MUC5AC: variants seen among roughly 807,000 people sequenced by gnomAD.
MUC5AC encodes mucin 5AC, oligomeric mucus/gel-forming, also known as mucin-5AC.
Under a neutral mutation model 169.7 loss-of-function variants are expected in MUC5AC, and 158 were observed. The observed-to-expected ratio is 0.93, with a 90% CI of 0.82 to 1.06. The LOEUF (loss-of-function observed/expected upper bound fraction) is 1.06, where lower values mean the gene tolerates loss of function less well. MUC5AC is among the 50% of genes least tolerant of loss of function. The pLI is 0.00. For missense variants in MUC5AC, 4,359 were observed against 3,089.9 expected, an observed-to-expected ratio of 1.41 and a Z score of -9.74; for synonymous variants, 1,975 against 1,237.0, an observed-to-expected ratio of 1.60 and a Z score of -12.52.
chr11:1,196,034 G>A lies in MUC5AC; in HGVS notation c.15617G>A (p.Gly5206Asp). 1 of 764,648 alleles carries A rather than the reference G, an allele frequency of 1.3e-6. No homozygotes were observed. Among genetic ancestry groups the A allele is most frequent in the Non-Finnish European group, 2.4e-6 (1 of 417,648 alleles). The allele number at this position is 764,648 out of a possible 1,614,324, so 47.4% of individuals were successfully genotyped here. Residue 5206 changes from glycine (G) to aspartate (D), a missense_variant, in exon 37 of 49, where the codon GGC becomes GAC. Physicochemically the swap from Gly to Asp is moderately conservative, Grantham distance 94. Coordinates refer to ENST00000621226, the MANE Select transcript of MUC5AC (RefSeq NM_001304359.2). ...CACGACATCTGCATCGATTGGAGAG[G>A]CCGGACCGGCCACATGTGCCGTGAG... The part of the protein sequence containing the change: ...ASHDICIDWR[G>D]RTGHMCPFTC...
chr11:1,164,814 C>T (rs1860262573), intron 9 of MUC5AC, among the ~76,000 whole-genome samples: 1 of 149,444 alleles, frequency 6.7e-6, no homozygotes, highest in Non-Finnish European at 1.5e-5. Context: ...CTGAGGCTGG[C>T]TGAGGCCCCT....
chr11:1,189,561 A>G lies in MUC5AC; in HGVS notation c.11416A>G (p.Ser3806Gly), dbSNP rs1376100983. 1.1e-4 allele frequency: 67 copies of G among 609,470 alleles called. No individual in the cohort carries two copies. Among genetic ancestry groups the G allele is most frequent in the Non-Finnish European group, 1.5e-5 (5 of 342,348 alleles). The allele number at this position is 609,470 out of a possible 1,614,324, so 37.8% of individuals were successfully genotyped here. Reference protein sequence around the residue: ...TTSTTSTPQTSTISSPTTSTT... With the variant: ...TTSTTSTPQTGTISSPTTSTT... ...CAGCACAACCTCCACTCCACAGACCAGCACAATCTCTTCCCCTACAACCAG... is the reference window on the plus strand; with the variant it reads ...CAGCACAACCTCCACTCCACAGACCGGCACAATCTCTTCCCCTACAACCAG... The change falls in exon 31 of 49, where the codon AGC becomes GGC. Residue 3806 changes from serine (S) to glycine (G), a missense_variant. Ser to Gly is a moderately conservative substitution (Grantham distance 56). Transcript: ENST00000621226.
intron 26 of MUC5AC, 102 bp from the exon 27 acceptor site, chr11:1,179,920 G>A (rs1221169230): frequency 5.0e-6 from 2 of 397,762 alleles, no homozygotes; most frequent in Non-Finnish European, 8.9e-6. Flanking sequence ...GTGATGGCCG[G>A]GAGGTGCAGG....
rs1214235667 is a variant in MUC5AC at position 1,192,352 on chromosome 11, T to C, written c.14207T>C (p.Val4736Ala). 3.9e-6 allele frequency: 3 copies of C among 765,108 alleles called. No homozygotes were observed. The highest frequency in any genetic ancestry group is 2.7e-5 in the South Asian group (2 of 74,618). The allele number at this position is 765,108 out of a possible 1,614,324, so 47.4% of individuals were successfully genotyped here. A position where few individuals can be genotyped will look rare whatever the true frequency, so the allele number is the denominator to read the frequency against. ...ETPRGCPVTS[V>A]TPYGTSPTNA... ...CCCAGAGGCTGCCCGGTGACCTCTG[T>C]GACCCCATATGGGACTTCTCCTACC... Residue 4736 changes from valine to alanine, a missense_variant, in exon 31 of 49, where the codon GTG (valine) becomes GCG (alanine). By Grantham distance (64) the Val-to-Ala change is moderately conservative. Transcript: ENST00000621226.
At chr11:1,168,415 A>T in intron 12 of MUC5AC, 68 bp from the exon 13 acceptor site, 1 of 1,494,002 alleles carries the variant, frequency 6.7e-7, no homozygotes, top group Non-Finnish European at 9.2e-7. Flanking sequence ...GGCACATTTC[A>T]CAGCCTCCGC....
rs1860928485 is a variant in MUC5AC, at chr11:1,185,809, G to T, written c.7664G>T (p.Ser2555Ile). The change falls in exon 31 of 49, where the codon AGC (serine) becomes ATC (isoleucine). Residue 2555 changes from serine to isoleucine, a missense_variant. Physicochemically the swap from Ser to Ile is moderately radical, Grantham distance 142 (BLOSUM62 -2). Transcript: ENST00000621226. ...TTSTTSAPIS[S>I]TTSATTTSTT... ...AGCACAACCTCTGCCCCTATAAGCAGCACAACCTCTGCCACTACAACCAGC... is the reference window on the plus strand; with the variant it reads ...AGCACAACCTCTGCCCCTATAAGCATCACAACCTCTGCCACTACAACCAGC... 11 of 745,530 alleles carry T rather than the reference G, an allele frequency of 1.5e-5. No homozygotes were observed. Among genetic ancestry groups the T allele is most frequent in the South Asian group, 1.4e-4 (10 of 72,146 alleles). 46.2% of individuals were successfully genotyped at this position (745,530 alleles called of 1,614,324 possible). A position where few individuals can be genotyped will look rare whatever the true frequency, so the allele number is the denominator to read the frequency against.
At chr11:1,170,975 T>C in intron 15 of MUC5AC, among the ~76,000 whole-genome samples, 4 of 4,026 alleles carry the variant, frequency 9.9e-4, no homozygotes, top group Non-Finnish European at 1.5e-3. Context: ...ACTCACCCAT[T>C]CACCCCACTC....
At chr11:1,174,653 C>A (rs1860630047) in intron 17 of MUC5AC, 31 bp downstream of exon 17, 2 of 867,702 alleles carry the variant, frequency 2.3e-6, no homozygotes, top group East Asian at 2.8e-5. Context: ...GCCCCTTTCC[C>A]TCGCTGGGTG....
chr11:1,183,775 C>T lies in MUC5AC; in HGVS notation c.5630C>T (p.Ser1877Leu). The change falls in exon 31 of 49, where the codon TCA becomes TTA. Residue 1877 changes from serine (S) to leucine (L), a missense_variant. Transcript: ENST00000621226. ...TCCAAGACCACTGAAACCCAGGCCT[C>T]AGGCTCCTCAGCCCCCAGCAGCACA... Reference protein sequence around the residue: ...TTSKTTETQASGSSAPSSTPG... With the variant: ...TTSKTTETQALGSSAPSSTPG... 2.2e-6 allele frequency: 1 copy of T among 450,606 alleles called. No individual in the cohort carries two copies. Among genetic ancestry groups the T allele is most frequent in the Non-Finnish European group, 3.9e-6 (1 of 259,144 alleles). 27.9% of individuals were successfully genotyped at this position (450,606 alleles called of 1,614,324 possible). A position where few individuals can be genotyped will look rare whatever the true frequency, so the allele number is the denominator to read the frequency against.
rs1307600702 is a variant in MUC5AC at position 1,196,727 on chromosome 11, G to T, written c.15829+7G>T. On this transcript the variant is annotated splice_region_variant and intron_variant, in intron 39 of 48. Transcript: ENST00000621226. ...GTGCCCACGGGCTGCCCCAGTACGT[G>T]CCCCAGGCCGGGGCTGGGGGGTGTG... 1.3e-6 allele frequency: 1 copy of T among 750,944 alleles called. No homozygotes were observed. The highest frequency in any genetic ancestry group is 2.4e-6 in the Non-Finnish European group (1 of 411,538). The allele number at this position is 750,944 out of a possible 1,614,324, so 46.5% of individuals were successfully genotyped here.
chr11:1,164,079 TCAGA>T lies in MUC5AC; in HGVS notation c.790-25_790-22del, dbSNP rs1337647004. On this transcript the variant is annotated intron_variant, in intron 7 of 48. Coordinates refer to ENST00000621226, the MANE Select transcript of MUC5AC (RefSeq NM_001304359.2). ...CCGGTCCAGATCCCCCACCGAGGAC[TCAGA>T]CGGGCTGTGGCCTTTGTCCTAGGGC... The T allele has an allele frequency of 2.5e-6, 4 of 1,610,608 alleles. No individual in the cohort carries two copies. In the African/African-American group the frequency reaches 5.3e-5, roughly 22 times the overall value.
intron 16 of MUC5AC, among the ~76,000 whole-genome samples, chr11:1,173,164 A>C (rs2133739127): frequency 6.6e-6 from 1 of 151,990 alleles, no homozygotes; most frequent in Admixed American, 6.5e-5. Context: ...TAATTCCTTC[A>C]CCTACTCATC....
rs367771370 is a variant in MUC5AC at position 1,195,009 on chromosome 11, C to T, written c.15191-3C>T. 4 of 733,494 alleles carry T rather than the reference C, an allele frequency of 5.5e-6. No homozygotes were observed. The highest frequency in any genetic ancestry group is 2.5e-5 in the East Asian group (1 of 39,490). The allele number at this position is 733,494 out of a possible 1,614,324, so 45.4% of individuals were successfully genotyped here. A position where few individuals can be genotyped will look rare whatever the true frequency, so the allele number is the denominator to read the frequency against. ...CAGCCTGACCCCCACCGCGTCTGCC[C>T]AGGCACTTGCACCAACGACAGGAAG... is the stretch of plus-strand genomic sequence containing the variant. On this transcript the variant is annotated splice_polypyrimidine_tract_variant and splice_region_variant and intron_variant, in intron 35 of 48. Coordinates refer to ENST00000621226, the MANE Select transcript of MUC5AC (RefSeq NM_001304359.2).
rs529785111 is a variant in MUC5AC at position 1,158,163 on chromosome 11, G to A, written c.73+91G>A. ...GCTCAGTCTTTGCCCTGGGTTCCGG[G>A]CAGGCTGCATGTGCCATGAACGGCT... On this transcript the variant is annotated intron_variant, in intron 1 of 48. Transcript: ENST00000621226. The A allele has an allele frequency of 4.0e-6, 5 of 1,238,822 alleles. No homozygotes were observed. In the Admixed American group the frequency reaches 9.0e-5, roughly 22 times the overall value. 76.7% of individuals were successfully genotyped at this position (1,238,822 alleles called of 1,614,324 possible). A position where few individuals can be genotyped will look rare whatever the true frequency, so the allele number is the denominator to read the frequency against.
rs917960571 is a variant in MUC5AC at position 1,176,210 on chromosome 11, G to T, written c.2461G>T (p.Ala821Ser). Residue 821 changes from alanine to serine, a missense_variant, in exon 20 of 49, where the codon GCT (alanine) becomes TCT (serine). By Grantham distance (99) the Ala-to-Ser change is moderately conservative. Transcript: ENST00000621226. ...CRNATPGDTG[A>S]GCQKSCHTLD... ...AAATGCCACGCCCGGGGACACAGGG[G>T]CTGGCTGTCAGAAGAGCTGCCACAC... The T allele has an allele frequency of 1.7e-4, 66 of 398,678 alleles. 1 individual carries two copies. Among genetic ancestry groups the T allele is most frequent in the African/African-American group, 1.3e-3 (62 of 48,756 alleles). The allele number at this position is 398,678 out of a possible 1,614,324, so 24.7% of individuals were successfully genotyped here. A position where few individuals can be genotyped will look rare whatever the true frequency, so the allele number is the denominator to read the frequency against.
chr11:1,199,915 C>T lies in MUC5AC; in HGVS notation c.16646C>T (p.Ser5549Leu), dbSNP rs768824950. Residue 5549 changes from serine to leucine, a missense_variant, in exon 48 of 49, where the codon TCG becomes TTG. Physicochemically the swap from Ser to Leu is moderately radical, Grantham distance 145. Transcript: ENST00000621226. ...LIIQQQGCSS[S>L]EPVRLAYCRG... ...ATCCAGCAGCAGGGCTGCAGCTCCTCGGAGCCCGTGCGCCTGGCTTACTGC... is the reference window on the plus strand; with the variant it reads ...ATCCAGCAGCAGGGCTGCAGCTCCTTGGAGCCCGTGCGCCTGGCTTACTGC... 2.5e-5 allele frequency: 19 copies of T among 764,428 alleles called. No individual in the cohort carries two copies. Among genetic ancestry groups the T allele is most frequent in the African/African-American group, 8.5e-5 (5 of 59,144 alleles). The allele number at this position is 764,428 out of a possible 1,614,324, so 47.4% of individuals were successfully genotyped here. A position where few individuals can be genotyped will look rare whatever the true frequency, so the allele number is the denominator to read the frequency against.
At chr11:1,168,605 C>A (rs1243021729) in intron 13 of MUC5AC, 37 bp from the exon 14 acceptor site, 1 of 1,612,036 alleles carries the variant, frequency 6.2e-7, no homozygotes, top group Admixed American at 1.7e-5. Context: ...TCCCGCCCCA[C>A]AGCCCCCAGC....
rs929395459 is a variant in MUC5AC, at chr11:1,175,126, C to T, written c.2337C>T (p.Ser779=). ...MIPNGESVHD[S]GAICTCTHGK... ...CCAATGGGGAGTCGGTGCACGACAG[C>T]GGGGCTATCTGGTAAGAGCTCCCGC... The change falls in exon 18 of 49, where the codon AGC becomes AGT. Residue 779 remains serine (S), a synonymous_variant. Transcript: ENST00000621226. 33 of 397,792 alleles carry T rather than the reference C, an allele frequency of 8.3e-5. No homozygotes were observed. Among genetic ancestry groups the T allele is most frequent in the South Asian group, 2.5e-4 (2 of 7,856 alleles). 24.6% of individuals were successfully genotyped at this position (397,792 alleles called of 1,614,324 possible).
chr11:1,191,854 G>A lies in MUC5AC; in HGVS notation c.13709G>A (p.Ser4570Asn). 4 of 757,412 alleles carry A rather than the reference G, an allele frequency of 5.3e-6. No individual in the cohort carries two copies. The highest frequency in any genetic ancestry group is 4.1e-5 in the South Asian group (3 of 73,004). 46.9% of individuals were successfully genotyped at this position (757,412 alleles called of 1,614,324 possible). The change falls in exon 31 of 49, where the codon AGC (serine) becomes AAC (asparagine). Residue 4570 changes from serine to asparagine, a missense_variant. By Grantham distance (46) the Ser-to-Asn change is conservative. Coordinates refer to ENST00000621226, the MANE Select transcript of MUC5AC (RefSeq NM_001304359.2). The stretch of plus-strand genomic sequence containing the variant: ...ACCTCTGGTCCTGGAACTACTCCCA[G>A]CCCTGTTCCCACCACCAGCACAACC... ...STTSGPGTTP[S>N]PVPTTSTTSA...
Sources: gnomAD v4.1 joint callset for allele counts (sites outside exome capture counted in the v4.1 genomes callset) on GRCh38, gnomAD v4.1.1 for gene constraint, MANE v1.5 for transcripts, NCBI Gene and HGNC (gene_info 2026-07-23, HGNC 2026-07-21) for gene names.